Variants in HNRNPK observed in about 807,000 individuals in gnomAD.
The protein encoded by HNRNPK is dC-stretch binding protein.
Under a neutral mutation model 67.0 loss-of-function variants are expected in HNRNPK, and 7 were observed. That is an observed-to-expected ratio of 0.10 (90% confidence interval 0.06 to 0.20). The LOEUF is 0.20. Among genes scored for constraint, HNRNPK ranks in the 10% least tolerant of loss-of-function variants. The pLI is 1.00. For synonymous variants in HNRNPK, 213 were observed against 193.7 expected, an observed-to-expected ratio of 1.10 and a Z score of -0.83; for missense variants, 264 against 606.5, an observed-to-expected ratio of 0.44 and a Z score of 5.93.
rs1409478591 is a variant in HNRNPK, at chr9:83,975,894, TTTTA to T, written c.214-393_214-390del. On this transcript the variant is annotated intron_variant, in intron 5 of 16. Coordinates refer to ENST00000376263, the MANE Select transcript of HNRNPK (RefSeq NM_031263.4). ...GACCTCAAATGATGGTTCTAGCCTT[TTTTA>T]TTTTTTAAGAAAAACAAACGATGTT... 2.7e-5 allele frequency: 5 copies of T among 183,472 alleles called. No individual in the cohort carries two copies. The East Asian group carries it at 6.4e-4, about 23-fold the overall frequency. 11.4% of individuals were successfully genotyped at this position (183,472 alleles called of 1,614,324 possible). A position where few individuals can be genotyped will look rare whatever the true frequency, so the allele number is the denominator to read the frequency against.
At chr9:83,976,897 C>A (rs1957091089) in intron 5 of HNRNPK, 98 bp downstream of exon 5, 3 of 674,990 alleles carry the variant, frequency 4.4e-6, no homozygotes, top group Non-Finnish European at 5.1e-6. Context: ...GTCTTTGTAG[C>A]TAAACTATGA....
chr9:83,973,283 TACC>T lies in HNRNPK; in HGVS notation c.516_516+2del. On this transcript the variant is annotated splice_donor_variant and coding_sequence_variant, in exon 9 of 17. Transcript: ENST00000376263. LOFTEE classifies it high-confidence loss of function. The stretch of plus-strand genomic sequence containing the variant: ...GAATACGGCAGAATTTTTTTTTTTT[TACC>T]TCTCGAAGTTCTTTGATTTTAGCAC... The T allele has an allele frequency of 6.7e-7, 1 of 1,499,104 alleles. No homozygotes were observed. The highest frequency in any genetic ancestry group is 1.7e-5 in the Admixed American group (1 of 57,750). 92.9% of individuals were successfully genotyped at this position (1,499,104 alleles called of 1,614,324 possible).
rs1253026865 is a variant in HNRNPK at position 83,978,213 on chromosome 9, C to T, written c.40G>A (p.Glu14Lys). The change falls in exon 3 of 17, where the codon GAA becomes AAA. Residue 14 changes from glutamate (E) to lysine (K), a missense_variant. This residue lies in a region of HNRNPK where 32 missense variants were observed against 45.6 expected (regional missense o/e 0.70). Transcript: ENST00000376263. ...EQPEETFPNT[E>K]TNGEFGKRPA... ...TTCTCACCAAATTCACCATTGGTTT[C>T]AGTGTTAGGGAAGGTTTCTTCTGGC... 1.2e-6 allele frequency: 2 copies of T among 1,607,302 alleles called. No homozygotes were observed. Among genetic ancestry groups the T allele is most frequent in the Non-Finnish European group, 8.5e-7 (1 of 1,174,692 alleles).
At chr9:83,975,880 A>G (rs941203805) in intron 5 of HNRNPK, 11 of 215,642 alleles carry the variant, frequency 5.1e-5, no homozygotes, top group Non-Finnish European at 8.5e-5. Context: ...ACCTCAAATG[A>G]TGGTTCTAGC....
intron 10 of HNRNPK, 56 bp downstream of exon 10, chr9:83,972,785 CAGA>C (rs746646470): frequency 2.1e-5 from 28 of 1,354,980 alleles, no homozygotes; most frequent in East Asian, 5.0e-5. Context: ...GCTACTTTTG[CAGA>C]AGGTTATCAC....
chr9:83,980,093 C>T (rs1957317534), intron 1 of HNRNPK, 60 bp downstream of exon 1: 1 of 152,358 alleles, frequency 6.6e-6, no homozygotes, highest in South Asian at 2.1e-4. Flanking sequence ...CTCCCTCAAG[C>T]GGAAAAACTG....
chr9:83,978,112 C>A, intron 3 of HNRNPK, 83 bp downstream of exon 3: 1 of 866,092 alleles, frequency 1.2e-6, no homozygotes, highest in Non-Finnish European at 1.9e-6. Flanking sequence ...ATTCACCACA[C>A]ACTCCTAAGG....
chr9:83,970,083 G>T, intron 16 of HNRNPK, 79 bp downstream of exon 16: 1 of 1,244,270 alleles, frequency 8.0e-7, no homozygotes, highest in Non-Finnish European at 1.1e-6. Flanking sequence ...GCTTCTAAAA[G>T]AAAAAAATCA....
chr9:83,973,918 G>C lies in HNRNPK; in HGVS notation c.386C>G (p.Ala129Gly), dbSNP rs140707980. 6 of 1,613,448 alleles carry C rather than the reference G, an allele frequency of 3.7e-6. No homozygotes were observed. The highest frequency in any genetic ancestry group is 4.2e-6 in the Non-Finnish European group (5 of 1,179,570). Residue 129 changes from alanine (A) to glycine (G), a missense_variant, in exon 8 of 17, where the codon GCT (alanine) becomes GGT (glycine). Around this residue, in one of 6 missense-constraint regions of HNRNPK, gnomAD observed 39 missense variants for 54.4 expected, o/e 0.72. Coordinates refer to ENST00000376263, the MANE Select transcript of HNRNPK (RefSeq NM_031263.4). Reference protein sequence around the residue: ...ATSQLPLESDAVECLNYQHYK... With the variant: ...ATSQLPLESDGVECLNYQHYK... ...ATGACATACATTTAAGCATTCCACA[G>C]CATCAGATTCGAGCGGGAGCTGGCT...
chr9:83,968,227 A>G lies in HNRNPK; in HGVS notation c.*1180T>C, dbSNP rs1956665936. ...TTGGAAGTGAATTTTAACTATCAAT[A>G]CAAATGCCAAGATACTACACAAAAC... On this transcript the variant is annotated 3_prime_UTR_variant, in exon 17 of 17. Transcript: ENST00000376263. 6.6e-6 allele frequency: 1 copy of G among 152,426 alleles called. No individual in the cohort carries two copies. The highest frequency in any genetic ancestry group is 1.5e-5 in the Non-Finnish European group (1 of 67,998). The allele number at this position is 152,426 out of a possible 1,614,324, so 9.4% of individuals were successfully genotyped here. A position where few individuals can be genotyped will look rare whatever the true frequency, so the allele number is the denominator to read the frequency against.
Position 83,971,917 on chromosome 9 carries a change from A to G in HNRNPK, c.918T>C (p.Asn306=). The G allele has an allele frequency of 6.4e-7, 1 of 1,573,194 alleles. No individual in the cohort carries two copies. Among genetic ancestry groups the G allele is most frequent in the Non-Finnish European group, 8.6e-7 (1 of 1,159,446 alleles). Residue 306 remains asparagine (N), a synonymous_variant, in exon 11 of 17, where the codon AAT becomes AAC. Coordinates refer to ENST00000376263, the MANE Select transcript of HNRNPK (RefSeq NM_031263.4). ...RGGRGGSRAR[N]LPLPPPPPPR... ...GTGGTGGTGGTGGAGGAAGAGGAAGATTCCGAGCTCTGCTACCACCCCGGC... is the reference window on the plus strand; with the variant it reads ...GTGGTGGTGGTGGAGGAAGAGGAAGGTTCCGAGCTCTGCTACCACCCCGGC...
At chr9:83,975,406 A>G (rs1359800097) in intron 6 of HNRNPK, 56 bp downstream of exon 6, 4 of 1,493,010 alleles carry the variant, frequency 2.7e-6, no homozygotes, top group East Asian at 2.3e-5. Flanking sequence ...GGCAGGTAAT[A>G]AAATACATTT....
intron 15 of HNRNPK, 53 bp from the exon 16 acceptor site, chr9:83,970,384 A>G (rs746422737): frequency 1.8e-4 from 249 of 1,352,482 alleles, no homozygotes; most frequent in Non-Finnish European, 2.5e-4. Context: ...AACATTTACT[A>G]CCTGTATTTT....
rs182941637 is a variant in HNRNPK at position 83,978,904 on chromosome 9, T to C, written c.-107-452A>G. On this transcript the variant is annotated intron_variant, in intron 1 of 16. Coordinates refer to ENST00000376263, the MANE Select transcript of HNRNPK (RefSeq NM_031263.4). ...CTAAAGTTTACAAATACAACGGCAA[T>C]TGCGAACACATCCAACAACCAGAAC... is the stretch of plus-strand genomic sequence containing the variant. 9.0e-4 allele frequency among the ~76,000 whole-genome samples: 137 copies of C among 152,304 alleles called. 1 individual carries two copies. Among genetic ancestry groups the C allele is most frequent in the African/African-American group, 3.2e-3 (132 of 41,570 alleles).
intron 2 of HNRNPK, 40 bp downstream of exon 2, chr9:83,978,330 GTAA>G: frequency 1.1e-6 from 1 of 933,414 alleles, no homozygotes. Context: ...AAAGCAAGCT[GTAA>G]AAAAAAAAAA....
chr9:83,969,807 T>TA (rs1225642067), intron 16 of HNRNPK: 1 of 620,264 alleles, frequency 1.6e-6, no homozygotes, highest in Non-Finnish European at 3.2e-6. Flanking sequence ...TTTAGTTATC[T>TA]AAAAACAACA....
rs1196727807 is a variant in HNRNPK at position 83,978,177 on chromosome 9, A to T, written c.58+18T>A. 1 of 1,530,802 alleles carries T rather than the reference A, an allele frequency of 6.5e-7. No individual in the cohort carries two copies. Among genetic ancestry groups the T allele is most frequent in the African/African-American group, 1.4e-5 (1 of 73,250 alleles). 94.8% of individuals were successfully genotyped at this position (1,530,802 alleles called of 1,614,324 possible). On this transcript the variant is annotated intron_variant, in intron 3 of 16. Transcript: ENST00000376263. ...AACAGGATAAAAAAATACTGTTAAA[A>T]CTAAAATTTCTTCTCACCAAATTCA...
At chr9:83,979,770 C>T (rs1268962437) in intron 1 of HNRNPK, among the ~76,000 whole-genome samples, 1 of 151,890 alleles carries the variant, frequency 6.6e-6, no homozygotes, top group East Asian at 1.9e-4. Flanking sequence ...GCAGCCCTGA[C>T]CGTTCCATCC....
rs566024981 is a variant in HNRNPK at position 83,979,389 on chromosome 9, G to A, written c.-108+764C>T. Among the ~76,000 whole-genome samples the A allele has an allele frequency of 9.2e-5, 14 of 152,360 alleles. No homozygotes were observed. In the South Asian group the frequency reaches 2.7e-3, roughly 29 times the overall value. ...GGATAAGAAAGTTTAAGCAAAAACA[G>A]CAGGGCTTATCTGTAAGAATAACGT... On this transcript the variant is annotated intron_variant, in intron 1 of 16. Coordinates refer to ENST00000376263, the MANE Select transcript of HNRNPK (RefSeq NM_031263.4).
Sources: allele counts gnomAD v4.1 joint callset (sites outside exome capture counted in the v4.1 genomes callset), GRCh38; gene constraint gnomAD v4.1.1; regional missense constraint gnomAD v4.1.1; transcripts MANE v1.5; gene names NCBI Gene and HGNC (gene_info 2026-07-23, HGNC 2026-07-21).